The following CDC37 variants were observed in gnomAD, a reference collection of about 807,000 sequenced individuals.
The protein encoded by CDC37 is cell division cycle 37, HSP90 cochaperone.
A neutral mutation model predicts 46.9 loss-of-function variants in CDC37; 9 were observed. That is an observed-to-expected ratio of 0.19 (90% CI 0.12 to 0.33). The LOEUF (loss-of-function observed/expected upper bound fraction) is 0.33. Ranked by LOEUF, CDC37 falls within the 10% of genes least tolerant of loss-of-function variation. The probability of loss-of-function intolerance (pLI) is 1.00; values close to 1 mark genes in which losing one functional copy is unlikely to be tolerated. For missense variants in CDC37, 388 were observed against 514.6 expected, an observed-to-expected ratio of 0.75 and a Z score of 2.38; for synonymous variants, 193 against 191.0, an observed-to-expected ratio of 1.01 and a Z score of -0.09.
intron 1 of CDC37, among the ~76,000 whole-genome samples, chr19:10,402,103 G>A (rs150445689): frequency 0.068 from 9,617 of 141,142 alleles, 361 homozygotes; most frequent in Non-Finnish European, 0.089. Flanking sequence ...GTTGCAGTGA[G>A]CCAAGATTGT....
At chr19:10,395,626 G>A (rs757758489) in intron 2 of CDC37, 83 bp from the exon 3 acceptor site, 2 of 1,103,402 alleles carry the variant, frequency 1.8e-6, no homozygotes, top group East Asian at 2.4e-5. Flanking sequence ...TGGTCGCAGC[G>A]CCCATCCCAT....
intron 1 of CDC37, among the ~76,000 whole-genome samples, chr19:10,400,386 G>T (rs1011969136): frequency 6.6e-6 from 1 of 152,092 alleles, no homozygotes; most frequent in African/African-American, 2.4e-5. Flanking sequence ...TGGAAACTTT[G>T]AAATTTTTTT....
chr19:10,397,557 C>T (rs1163376732), intron 1 of CDC37, among the ~76,000 whole-genome samples: 3 of 151,906 alleles, frequency 2.0e-5, no homozygotes, highest in South Asian at 2.1e-4. Flanking sequence ...ATTACAGGCA[C>T]GCGCCACCAC....
At chr19:10,395,750 C>A in intron 2 of CDC37, 178 bp downstream of exon 2, 1 of 380,916 alleles carries the variant, frequency 2.6e-6, no homozygotes, top group Admixed American at 3.6e-5. Context: ...GCCCGGCCCC[C>A]CAAGCCTGTC....
intron 3 of CDC37, 23 bp from the exon 4 acceptor site, chr19:10,395,366 T>C (rs1158292342): frequency 6.2e-7 from 1 of 1,611,580 alleles, no homozygotes; most frequent in East Asian, 2.2e-5. Flanking sequence ...GCTGGCAAGG[T>C]GCTGGAGGGC....
At position 10,396,550 on chromosome 19, in the gene CDC37, AT is replaced by A. The variant is rs934517268; in HGVS notation, c.103-348del. Among the ~76,000 whole-genome samples, 2 of 151,800 alleles carry A rather than the reference AT, an allele frequency of 1.3e-5. No individual in the cohort carries two copies. The highest frequency in any genetic ancestry group is 2.9e-5 in the Non-Finnish European group (2 of 67,954). On this transcript the variant is annotated intron_variant, in intron 1 of 7. Transcript: ENST00000222005. This position sits in a 1 kb window ranked among gnomAD's most constrained non-coding sequence, Gnocchi z 5.9. ...ACTTTTCTCACCTTTTCTTGAGGCC[AT>A]TTTTTTTGTTTAAGAAAACAAAACA...
intron 2 of CDC37, 120 bp from the exon 3 acceptor site, chr19:10,395,663 T>C (rs2042485399): frequency 3.3e-6 from 3 of 918,940 alleles, no homozygotes; most frequent in Admixed American, 1.8e-5. Context: ...GACGAAGCCA[T>C]GAGCATCAAG....
rs2042495132 is a variant in CDC37, at chr19:10,396,884, C to G, written c.103-681G>C. Among the ~76,000 whole-genome samples, 1 of 152,060 alleles carries G rather than the reference C, an allele frequency of 6.6e-6. No individual in the cohort carries two copies. ...TGCACTCTGCGGAGCCCACTTTTTTCTTGAACCTCAAGGCCTTCGCACTGG... is the reference window on the plus strand; with the variant it reads ...TGCACTCTGCGGAGCCCACTTTTTTGTTGAACCTCAAGGCCTTCGCACTGG... On this transcript the variant is annotated intron_variant, in intron 1 of 7. Transcript: ENST00000222005. This position sits in a 1 kb window ranked among gnomAD's most constrained non-coding sequence, Gnocchi z 5.9.
In CDC37 at chr19:10,396,357, G is replaced by A. The variant is rs1268724644; in HGVS notation, c.103-154C>T. Among the ~76,000 whole-genome samples, 1 of 152,170 alleles carries A rather than the reference G, an allele frequency of 6.6e-6. No individual in the cohort carries two copies. Among genetic ancestry groups the A allele is most frequent in the African/African-American group, 2.4e-5 (1 of 41,440 alleles). The stretch of plus-strand genomic sequence containing the variant: ...AGCTTCCGCCCCTGCGCCCACAGGT[G>A]CCAGCGCACACCCAAGTGGGGTCAG... On this transcript the variant is annotated intron_variant, in intron 1 of 7. Transcript: ENST00000222005. This position sits in a 1 kb window ranked among gnomAD's most constrained non-coding sequence, Gnocchi z 5.9.
At chr19:10,403,343 G>C in intron 1 of CDC37, 35 bp downstream of exon 1, 1 of 1,517,042 alleles carries the variant, frequency 6.6e-7, no homozygotes, top group Non-Finnish European at 9.1e-7. Context: ...AGCGGGGTCC[G>C]GGAGTGGGGA....
At chr19:10,397,250 T>A (rs914473599) in intron 1 of CDC37, among the ~76,000 whole-genome samples, 13 of 152,002 alleles carry the variant, frequency 8.6e-5, no homozygotes, top group African/African-American at 3.1e-4. Context: ...TTGTTTTTTT[T>A]TTTGTTTTTA....
rs745566999 is a variant in CDC37 at position 10,395,334 on chromosome 19, C to T, written c.497G>A (p.Arg166His). Residue 166 changes from arginine (R) to histidine (H), a missense_variant, in exon 4 of 8, where the codon CGC (arginine) becomes CAC (histidine). Coordinates refer to ENST00000222005, the MANE Select transcript of CDC37 (RefSeq NM_007065.4). Reference sequence around the variant, plus strand: ...GTACTTTTGGCTGTCATCCCAGCGGCGAAGCATGCCTGTGGGAAGATGCTG... The same window carrying T: ...GTACTTTTGGCTGTCATCCCAGCGGTGAAGCATGCCTGTGGGAAGATGCTG... ...EKQIKHFGML[R>H]RWDDSQKYLS... The T allele has an allele frequency of 1.4e-5, 23 of 1,613,996 alleles. No homozygotes were observed. Among genetic ancestry groups the T allele is most frequent in the East Asian group, 4.5e-5 (2 of 44,882 alleles).
At position 10,398,539 on chromosome 19, in the gene CDC37, C is replaced by T. The variant is rs1267065460; in HGVS notation, c.103-2336G>A. Among the ~76,000 whole-genome samples, 2 of 152,232 alleles carry T rather than the reference C, an allele frequency of 1.3e-5. No homozygotes were observed. Among genetic ancestry groups the T allele is most frequent in the African/African-American group, 4.8e-5 (2 of 41,470 alleles). ...CCTAACCTCCTGTAACCTCAGTTTC[C>T]TCATCTGTCAAACAGTCAACAATGC... On this transcript the variant is annotated intron_variant, in intron 1 of 7. Coordinates refer to ENST00000222005, the MANE Select transcript of CDC37 (RefSeq NM_007065.4). This position sits in a 1 kb window ranked among gnomAD's most constrained non-coding sequence, Gnocchi z 4.2.
intron 7 of CDC37, among the ~76,000 whole-genome samples, chr19:10,391,924 C>G (rs2042459255): frequency 6.6e-6 from 1 of 152,198 alleles, no homozygotes; most frequent in Admixed American, 6.6e-5. Context: ...CCTGCCTCAG[C>G]CTCCCAAGTA....
intron 1 of CDC37, chr19:10,400,706 AAGAG>A (rs972390058): frequency 2.4e-4 from 37 of 152,100 alleles, no homozygotes; most frequent in African/African-American, 7.5e-4. Context: ...CGAAAAAAAA[AAGAG>A]AGAGACAAGG....
In CDC37 at chr19:10,403,514, T is replaced by G. The variant is rs567281443; in HGVS notation, c.-35A>C. On this transcript the variant is annotated 5_prime_UTR_variant, in exon 1 of 8. Transcript: ENST00000222005. Reference sequence around the variant, plus strand: ...GCGGCCCAGCCCGCTCCGGCTCGGGTGGCGGCGACGGCGGCAGCAGTGGAG... The same window carrying G: ...GCGGCCCAGCCCGCTCCGGCTCGGGGGGCGGCGACGGCGGCAGCAGTGGAG... 6.5e-7 allele frequency: 1 copy of G among 1,532,378 alleles called. No individual in the cohort carries two copies. The highest frequency in any genetic ancestry group is 1.7e-5 in the Admixed American group (1 of 59,176). 94.9% of individuals were successfully genotyped at this position (1,532,378 alleles called of 1,614,324 possible).
At chr19:10,399,322 A>C (rs1372664851) in intron 1 of CDC37, among the ~76,000 whole-genome samples, 1 of 151,554 alleles carries the variant, frequency 6.6e-6, no homozygotes, top group Non-Finnish European at 1.5e-5. Flanking sequence ...CACAAAAATT[A>C]GCCAGGCGTG....
At position 10,394,946 on chromosome 19, in the gene CDC37, G is replaced by C. The variant is rs546887349; in HGVS notation, c.726+75C>G. ...GCTTGAGTCCCAGTGGAGAGGAGTC[G>C]GCCTTACCTAGAGCATTGTGGGCTG... On this transcript the variant is annotated intron_variant, in intron 5 of 7. Transcript: ENST00000222005. 19 of 1,451,792 alleles carry C rather than the reference G, an allele frequency of 1.3e-5. No homozygotes were observed. In the East Asian group the frequency reaches 1.9e-4, roughly 14 times the overall value. The allele number at this position is 1,451,792 out of a possible 1,614,324, so 89.9% of individuals were successfully genotyped here.
chr19:10,392,990 G>A, intron 7 of CDC37, 96 bp downstream of exon 7: 1 of 1,121,448 alleles, frequency 8.9e-7, no homozygotes, highest in Non-Finnish European at 1.4e-6. Context: ...AAGCCTTGGA[G>A]GGGCACTTTC....
Sources: gnomAD v4.1 joint callset for allele counts (sites outside exome capture counted in the v4.1 genomes callset) on GRCh38, gnomAD v4.1.1 for gene constraint, Gnocchi (gnomAD v3.1) non-coding constraint, MANE v1.5 for transcripts, NCBI Gene and HGNC (gene_info 2026-07-23, HGNC 2026-07-21) for gene names.